Variants in FSTL5 observed in about 807,000 individuals in gnomAD.
FSTL5 encodes the protein follistatin like 5.
FSTL5 carries 62 observed loss-of-function variants against 89.1 expected under a neutral mutation model. The observed-to-expected ratio is 0.70, with a 90% confidence interval of 0.57 to 0.86. The LOEUF is 0.86. Among genes scored for constraint, FSTL5 ranks in the 40% least tolerant of loss-of-function variants. FSTL5 has a pLI of 0.00. For missense variants in FSTL5, 1,057 were observed against 1,001.6 expected (o/e 1.06, Z -0.75); for synonymous variants, 383 against 346.2 (o/e 1.11, Z -1.18).
intron 3 of FSTL5, among the ~76,000 whole-genome samples, chr4:161,984,137 A>G (rs1735901083): frequency 6.6e-6 from 1 of 152,054 alleles, no homozygotes; most frequent in African/African-American, 2.4e-5. Flanking sequence ...ATGGTTGCAA[A>G]GTGGCTTTAA....
At chr4:161,602,694 T>G (rs146507528) in intron 7 of FSTL5, among the ~76,000 whole-genome samples, 70 of 152,258 alleles carry the variant, frequency 4.6e-4, no homozygotes, top group East Asian at 1.9e-4. Flanking sequence ...AGGCTTCTTA[T>G]CAGAAGTTTT....
At chr4:161,574,461 G>C (rs571119076) in intron 8 of FSTL5, among the ~76,000 whole-genome samples, 1 of 151,376 alleles carries the variant, frequency 6.6e-6, no homozygotes, top group African/African-American at 2.4e-5. Context: ...CCATAATCTA[G>C]GTTTTAAGCC....
intron 15 of FSTL5, among the ~76,000 whole-genome samples, chr4:161,427,389 G>T (rs890564798): frequency 6.6e-6 from 1 of 152,120 alleles, no homozygotes; most frequent in African/African-American, 2.4e-5. Flanking sequence ...CTGCTCTGAG[G>T]CAGTGGCTGA....
At chr4:161,573,752 A>G (rs904787436) in intron 8 of FSTL5, among the ~76,000 whole-genome samples, 5 of 149,980 alleles carry the variant, frequency 3.3e-5, no homozygotes, top group Middle Eastern at 3.4e-3. Context: ...AAAAAAAAAA[A>G]AAAAAGAAAA....
intron 4 of FSTL5, among the ~76,000 whole-genome samples, chr4:161,846,316 A>C (rs1731367587): frequency 6.6e-6 from 1 of 152,110 alleles, no homozygotes; most frequent in Non-Finnish European, 1.5e-5. Context: ...TTAAAATTCT[A>C]TAATCATATA....
chr4:161,734,270 A>C (rs1440618402), intron 6 of FSTL5, among the ~76,000 whole-genome samples: 1 of 152,192 alleles, frequency 6.6e-6, no homozygotes, highest in Non-Finnish European at 1.5e-5. Context: ...CAAGTACTTA[A>C]AGTTCCTTTA....
intron 9 of FSTL5, among the ~76,000 whole-genome samples, chr4:161,540,156 C>A (rs894574256): frequency 3.3e-5 from 5 of 152,120 alleles, no homozygotes; most frequent in Non-Finnish European, 7.4e-5. Context: ...GCCTTCCTAA[C>A]CTCTAGAACT....
intron 4 of FSTL5, among the ~76,000 whole-genome samples, chr4:161,817,361 C>A (rs1400301669): frequency 6.6e-6 from 1 of 152,112 alleles, no homozygotes; most frequent in Non-Finnish European, 1.5e-5. Context: ...AAACCAAGAA[C>A]AAATTTGTTA....
intron 3 of FSTL5, among the ~76,000 whole-genome samples, chr4:161,967,142 G>C (rs1735351640): frequency 6.6e-6 from 1 of 151,210 alleles, no homozygotes; most frequent in Admixed American, 6.6e-5. Flanking sequence ...ATCACAATTT[G>C]ATAAAAATTT....
chr4:161,763,081 A>G (rs998285600), intron 5 of FSTL5, among the ~76,000 whole-genome samples: 1 of 152,178 alleles, frequency 6.6e-6, no homozygotes, highest in Non-Finnish European at 1.5e-5. Context: ...ACCATCCGCA[A>G]AATGAACTAT....
intron 4 of FSTL5, among the ~76,000 whole-genome samples, chr4:161,792,760 C>G (rs1729518571): frequency 6.6e-6 from 1 of 152,162 alleles, no homozygotes; most frequent in East Asian, 1.9e-4. Context: ...TGCTGCTGCT[C>G]AGTGAAACTC....
chr4:161,983,196 C>T (rs1026497325), intron 3 of FSTL5, among the ~76,000 whole-genome samples: 2 of 152,104 alleles, frequency 1.3e-5, no homozygotes, highest in African/African-American at 4.8e-5. Context: ...ATAAGTGGTA[C>T]ATTAGAAAGT....
chr4:161,507,071 A>G (rs1372796934), intron 11 of FSTL5, among the ~76,000 whole-genome samples: 1 of 152,052 alleles, frequency 6.6e-6, no homozygotes, highest in Non-Finnish European at 1.5e-5. Context: ...ATATTCATCA[A>G]AGTAATTCAT....
intron 1 of FSTL5, among the ~76,000 whole-genome samples, chr4:162,132,993 A>G (rs1325355058): frequency 2.6e-5 from 4 of 152,072 alleles, no homozygotes; most frequent in African/African-American, 2.4e-5. Flanking sequence ...CCCAGGCTGG[A>G]GTGCAGTGGC....
At chr4:162,124,519 G>C (rs1316407660) in intron 1 of FSTL5, among the ~76,000 whole-genome samples, 1 of 152,116 alleles carries the variant, frequency 6.6e-6, no homozygotes, top group Non-Finnish European at 1.5e-5. Context: ...TAAAGGACTA[G>C]AACCGGAAAG....
intron 13 of FSTL5, among the ~76,000 whole-genome samples, chr4:161,475,683 T>C (rs1461842403): frequency 1.3e-5 from 2 of 152,142 alleles, no homozygotes; most frequent in African/African-American, 4.8e-5. Flanking sequence ...ATCTTTAAGA[T>C]AGTTATTTTA....
chr4:162,094,400 G>A (rs1210945470), intron 2 of FSTL5, among the ~76,000 whole-genome samples: 1 of 152,018 alleles, frequency 6.6e-6, no homozygotes, highest in Admixed American at 6.6e-5. Context: ...AGAGAAATGA[G>A]TATATAATAC....
Position 161,816,577 on chromosome 4 carries a change from T to C in FSTL5, c.410-40503A>G, listed in dbSNP as rs143288992. Among the ~76,000 whole-genome samples, 334 of 152,288 alleles carry C rather than the reference T, an allele frequency of 2.2e-3. 2 individuals carry two copies. The highest frequency in any genetic ancestry group is 0.017 in the Middle Eastern group (5 of 294). On this transcript the variant is annotated intron_variant, in intron 4 of 15. Coordinates refer to ENST00000306100, the MANE Select transcript of FSTL5 (RefSeq NM_020116.5). ...TCATTCGCCTTACTTGGTTCCACTT[T>C]ACAAAGGGGTAAAAGCTTGAGGAAC...
chr4:162,012,520 C>G (rs913747008), intron 3 of FSTL5, among the ~76,000 whole-genome samples: 1 of 152,024 alleles, frequency 6.6e-6, no homozygotes, highest in African/African-American at 2.4e-5. Context: ...TCAAAACATT[C>G]CTAGTATTTC....
Sources: allele counts gnomAD v4.1 joint callset (sites outside exome capture counted in the v4.1 genomes callset), GRCh38; gene constraint gnomAD v4.1.1; transcripts MANE v1.5; gene names NCBI Gene and HGNC (gene_info 2026-07-23, HGNC 2026-07-21).